The following NPSR1 variants were observed in gnomAD, a reference collection of about 807,000 sequenced individuals.
The protein encoded by NPSR1 is neuropeptide S receptor.
A neutral mutation model predicts 46.9 loss-of-function variants in NPSR1; 48 were observed. That is an observed-to-expected ratio of 1.02 (90% confidence interval 0.81 to 1.30). The LOEUF is 1.30. Ranked by LOEUF, NPSR1 falls within the 50% of genes most tolerant of loss-of-function variation. The pLI, the probability that NPSR1 is intolerant of heterozygous loss-of-function variation, is 0.00. For missense variants in NPSR1, 450 were observed against 449.5 expected, an observed-to-expected ratio of 1.00 and a Z score of -0.01; for synonymous variants, 176 against 168.1, an observed-to-expected ratio of 1.05 and a Z score of -0.36.
chr7:34,754,395 AT>A (rs1470833840), intron 2 of NPSR1, among the ~76,000 whole-genome samples: 3 of 152,078 alleles, frequency 2.0e-5, no homozygotes, highest in African/African-American at 7.2e-5. Context: ...AGTTTTTATT[AT>A]TTTTATTGAA....
intron 2 of NPSR1, among the ~76,000 whole-genome samples, chr7:34,732,017 C>T (rs1182599004): frequency 6.8e-6 from 1 of 147,248 alleles, no homozygotes; most frequent in Non-Finnish European, 1.5e-5. Flanking sequence ...TCTATCTCTA[C>T]CAAAAAAAAT....
intron 2 of NPSR1, among the ~76,000 whole-genome samples, chr7:34,692,247 T>C (rs1793302687): frequency 6.6e-6 from 1 of 152,178 alleles, no homozygotes; most frequent in Non-Finnish European, 1.5e-5. Context: ...CTGTAAAATA[T>C]ACATTCTTCT....
At position 34,658,250 on chromosome 7, in the gene NPSR1, C is replaced by A; in HGVS notation, c.-163C>A. On this transcript the variant is annotated 5_prime_UTR_variant, in exon 1 of 9. Transcript: ENST00000360581. ...GCCAAGGAGAGAGCAGCACGTAGAT[C>A]CTCCCTGTCATCAGGCAGAGCTCTT... 1 of 686,958 alleles carries A rather than the reference C, an allele frequency of 1.5e-6. No individual in the cohort carries two copies. Among genetic ancestry groups the A allele is most frequent in the Non-Finnish European group, 2.4e-6 (1 of 412,724 alleles). The allele number at this position is 686,958 out of a possible 1,614,324, so 42.6% of individuals were successfully genotyped here.
At chr7:34,734,155 T>C (rs1784561672) in intron 2 of NPSR1, among the ~76,000 whole-genome samples, 1 of 152,218 alleles carries the variant, frequency 6.6e-6, no homozygotes, top group Admixed American at 6.5e-5. Flanking sequence ...AAAGTTAGGT[T>C]CAAATCCAGT....
intron 2 of NPSR1, among the ~76,000 whole-genome samples, chr7:34,717,509 G>A (rs1196060282): frequency 1.3e-5 from 2 of 152,282 alleles, no homozygotes; most frequent in South Asian, 2.1e-4. Context: ...TTAGATGAGG[G>A]GGAAATGTAA....
intron 1 of NPSR1, among the ~76,000 whole-genome samples, chr7:34,666,219 A>G (rs1030522978): frequency 2.6e-5 from 4 of 152,298 alleles, no homozygotes; most frequent in Middle Eastern, 3.4e-3. Flanking sequence ...TTTGGGAAAA[A>G]TCCGTAGGAT....
In NPSR1 at chr7:34,790,842, T is replaced by TATGTTATATGTTATATTATATATC. The variant is rs1466040309; in HGVS notation, c.384+12279_384+12280insGTTATATGTTATATTATATATCAT. Among the ~76,000 whole-genome samples the TATGTTATATGTTATATTATATATC allele has an allele frequency of 6.8e-3, 888 of 131,468 alleles. 44 individuals carry two copies. The highest frequency in any genetic ancestry group is 0.012 in the East Asian group (58 of 4,694). 86.2% of individuals were successfully genotyped at this position (131,468 alleles called of 152,430 possible). A position where few individuals can be genotyped will look rare whatever the true frequency, so the allele number is the denominator to read the frequency against. On this transcript the variant is annotated intron_variant, in intron 3 of 8. Coordinates refer to ENST00000360581, the MANE Select transcript of NPSR1 (RefSeq NM_207172.2). ...GTTATAGGTTATATGTTATGTTATA[T>TATGTTATATGTTATATTATATATC]ATATGTTATATGTTATGTTATATAT...
At chr7:34,681,167 C>T (rs1490919059) in intron 1 of NPSR1, among the ~76,000 whole-genome samples, 1 of 152,096 alleles carries the variant, frequency 6.6e-6, no homozygotes, top group Non-Finnish European at 1.5e-5. Flanking sequence ...CTGCCTCCAT[C>T]CCCAGACCAA....
At chr7:34,682,405 T>C (rs1792690868) in intron 1 of NPSR1, among the ~76,000 whole-genome samples, 1 of 152,160 alleles carries the variant, frequency 6.6e-6, no homozygotes, top group Admixed American at 6.5e-5. Flanking sequence ...GAATATTATA[T>C]TAGAACAATT....
rs778110335 is a variant in NPSR1, at chr7:34,748,718, G to A, written c.281-29744G>A. 3.5e-4 allele frequency among the ~76,000 whole-genome samples: 54 copies of A among 152,228 alleles called. 1 individual carries two copies. The highest frequency in any genetic ancestry group is 2.4e-4 in the Non-Finnish European group (16 of 68,014). On this transcript the variant is annotated intron_variant, in intron 2 of 8. Transcript: ENST00000360581. ...CTGAGAACTCTTTCAGTTTGTGTGC[G>A]TGAGGTGCTGGGGGAGCAGGTGGAA...
intron 1 of NPSR1, among the ~76,000 whole-genome samples, chr7:34,683,580 A>T (rs1411062219): frequency 6.6e-6 from 1 of 152,168 alleles, no homozygotes; most frequent in African/African-American, 2.4e-5. Context: ...TGAGTAATTT[A>T]TAAAGAAAAG....
chr7:34,802,666 C>T (rs888750052), intron 3 of NPSR1, among the ~76,000 whole-genome samples: 1 of 150,354 alleles, frequency 6.7e-6, no homozygotes, highest in Non-Finnish European at 1.5e-5. Flanking sequence ...GCAAGGACTT[C>T]ATGTCTAAAA....
chr7:34,855,130 T>A (rs2392285), intron 8 of NPSR1, among the ~76,000 whole-genome samples: 9,995 of 151,730 alleles, frequency 0.066, 449 homozygotes, highest in Middle Eastern at 0.19. Context: ...AGGATACAAA[T>A]AAAACAATAC....
chr7:34,673,541 C>T (rs974899193), intron 1 of NPSR1, among the ~76,000 whole-genome samples: 3 of 152,108 alleles, frequency 2.0e-5, no homozygotes, highest in Non-Finnish European at 4.4e-5. Flanking sequence ...AATCGTGGTC[C>T]ACAGCCCCAC....
At chr7:34,857,393 G>A (rs1246201877) in intron 8 of NPSR1, among the ~76,000 whole-genome samples, 1 of 151,736 alleles carries the variant, frequency 6.6e-6, no homozygotes, top group Non-Finnish European at 1.5e-5. Flanking sequence ...GAAAGCTGTG[G>A]TATGGGCGCT....
intron 2 of NPSR1, among the ~76,000 whole-genome samples, chr7:34,774,991 T>A (rs547029738): frequency 6.6e-6 from 1 of 152,290 alleles, no homozygotes; most frequent in South Asian, 2.1e-4. Flanking sequence ...GGGAGTGGTA[T>A]TCTAGCAGAC....
At chr7:34,716,629 T>A (rs1783584284) in intron 2 of NPSR1, among the ~76,000 whole-genome samples, 1 of 152,122 alleles carries the variant, frequency 6.6e-6, no homozygotes, top group Non-Finnish European at 1.5e-5. Context: ...GTCTGATATG[T>A]GAGTCCTCAA....
chr7:34,753,058 T>C (rs1785622719), intron 2 of NPSR1, among the ~76,000 whole-genome samples: 1 of 152,232 alleles, frequency 6.6e-6, no homozygotes. Context: ...CATAGCATTG[T>C]GTCTGAAACC....
At chr7:34,730,470 G>A (rs1413971544) in intron 2 of NPSR1, among the ~76,000 whole-genome samples, 3 of 152,160 alleles carry the variant, frequency 2.0e-5, no homozygotes, top group African/African-American at 7.2e-5. Context: ...CTTATCTATG[G>A]CTAGCAAATG....
Sources: allele counts gnomAD v4.1 joint callset (sites outside exome capture counted in the v4.1 genomes callset), GRCh38; gene constraint gnomAD v4.1.1; transcripts MANE v1.5; gene names NCBI Gene and HGNC (gene_info 2026-07-23, HGNC 2026-07-21).